Variants in HERPUD2 observed in about 807,000 individuals in gnomAD.
The protein encoded by HERPUD2 is homocysteine-responsive endoplasmic reticulum-resident ubiquitin-like domain member 2 protein.
A neutral mutation model predicts 49.9 loss-of-function variants in HERPUD2; 13 were observed. The ratio of observed to expected loss-of-function variants is 0.26; its 90% CI spans 0.17 to 0.41. HERPUD2 has a LOEUF of 0.41. Ranked by LOEUF, HERPUD2 falls within the 10% of genes least tolerant of loss-of-function variation. The pLI is 1.00. For synonymous variants in HERPUD2, 172 were observed against 171.4 expected (o/e 1.00, Z -0.03); for missense variants, 449 against 492.2 (o/e 0.91, Z 0.83).
chr7:35,663,085 A>G (rs1202144428), intron 5 of HERPUD2, among the ~76,000 whole-genome samples: 2 of 152,050 alleles, frequency 1.3e-5, no homozygotes, highest in East Asian at 1.9e-4. Flanking sequence ...GTTCTCATTG[A>G]TTTCAAAGAA....
chr7:35,648,006 A>C (rs1309325072), intron 5 of HERPUD2, among the ~76,000 whole-genome samples: 1 of 152,222 alleles, frequency 6.6e-6, no homozygotes, highest in Non-Finnish European at 1.5e-5. Flanking sequence ...AAACATAAAG[A>C]ATGCCTCTTT....
At chr7:35,655,127 A>G (rs1785248301) in intron 5 of HERPUD2, among the ~76,000 whole-genome samples, 1 of 152,202 alleles carries the variant, frequency 6.6e-6, no homozygotes, top group African/African-American at 2.4e-5. Context: ...TGCTGGGATT[A>G]CACGCATGAG....
chr7:35,662,628 T>C (rs4537222), intron 5 of HERPUD2, among the ~76,000 whole-genome samples: 12,596 of 152,260 alleles, frequency 0.083, 748 homozygotes, highest in South Asian at 0.21. Flanking sequence ...GAGGAATTTA[T>C]CCATTTCTTC....
chr7:35,673,682 C>T lies in HERPUD2; in HGVS notation c.148-404G>A, dbSNP rs562865731. ...ACAGTAGGATAAAATTTCGATGTCA[C>T]CAGAATCATTTTGCCTTATTTTGTC... On this transcript the variant is annotated intron_variant, in intron 2 of 8. Coordinates refer to ENST00000311350, the MANE Select transcript of HERPUD2 (RefSeq NM_022373.5). Among the ~76,000 whole-genome samples the T allele has an allele frequency of 3.3e-5, 5 of 152,182 alleles. No individual in the cohort carries two copies. The South Asian group carries it at 1.0e-3, about 32-fold the overall frequency.
At chr7:35,664,293 T>G (rs1337698306) in intron 5 of HERPUD2, among the ~76,000 whole-genome samples, 1 of 152,218 alleles carries the variant, frequency 6.6e-6, no homozygotes, top group Non-Finnish European at 1.5e-5. Context: ...TTGTGGGTAA[T>G]GAGACCTTTC....
chr7:35,665,288 T>G (rs1777126202), intron 5 of HERPUD2, among the ~76,000 whole-genome samples: 1 of 152,236 alleles, frequency 6.6e-6, no homozygotes, highest in African/African-American at 2.4e-5. Flanking sequence ...TCCTGGCCAC[T>G]TTGTTTATGT....
chr7:35,643,629 C>T (rs1785002950), intron 5 of HERPUD2, among the ~76,000 whole-genome samples: 1 of 151,242 alleles, frequency 6.6e-6, no homozygotes, highest in South Asian at 2.1e-4. Context: ...CACACACACA[C>T]TTTCATGAAT....
chr7:35,659,811 T>G (rs573746508), intron 5 of HERPUD2, among the ~76,000 whole-genome samples: 1 of 152,322 alleles, frequency 6.6e-6, no homozygotes, highest in South Asian at 2.1e-4. Context: ...ACACTCACTT[T>G]TGGCAAAATA....
Position 35,694,563 on chromosome 7 carries a change from CT to C in HERPUD2, c.-234del. 1.8e-6 allele frequency: 1 copy of C among 551,402 alleles called. No individual in the cohort carries two copies. The allele number at this position is 551,402 out of a possible 1,614,324, so 34.2% of individuals were successfully genotyped here. A position where few individuals can be genotyped will look rare whatever the true frequency, so the allele number is the denominator to read the frequency against. On this transcript the variant is annotated 5_prime_UTR_variant, in exon 2 of 9. Transcript: ENST00000311350. ...TGGGTGCCCGGCCGTGGAGGCAGCT[CT>C]CCCCGCCAGGTCCGGGCTCCGCCGG... is the stretch of plus-strand genomic sequence containing the variant.
At chr7:35,679,140 T>C (rs1302866605) in intron 2 of HERPUD2, among the ~76,000 whole-genome samples, 2 of 152,200 alleles carry the variant, frequency 1.3e-5, no homozygotes, top group East Asian at 1.9e-4. Context: ...TAGTTAAAAA[T>C]AGAGGTACTG....
At chr7:35,667,289 C>T (rs925297921) in intron 5 of HERPUD2, 145 bp downstream of exon 5, 2 of 730,220 alleles carry the variant, frequency 2.7e-6, no homozygotes, top group East Asian at 2.7e-5. Flanking sequence ...CTTCTTAACC[C>T]TCTAGTTCTC....
rs771329348 is a variant in HERPUD2, at chr7:35,638,438, G to A, written c.529C>T (p.Pro177Ser). 4 of 1,613,626 alleles carry A rather than the reference G, an allele frequency of 2.5e-6. No homozygotes were observed. The South Asian group carries it at 4.4e-5, about 18-fold the overall frequency. ...GCGGGATACACTGGGAATCCAGGTGGAGCAGCTTGCCCAGGAAATTGGTTG... is the reference window on the plus strand; with the variant it reads ...GCGGGATACACTGGGAATCCAGGTGAAGCAGCTTGCCCAGGAAATTGGTTG... ...VDNQFPGQAA[P>S]PGFPVYPAFS... Residue 177 changes from proline (P) to serine (S), a missense_variant, in exon 6 of 9, where the codon CCA (proline) becomes TCA (serine). By Grantham distance (74) the Pro-to-Ser change is moderately conservative. Coordinates refer to ENST00000311350, the MANE Select transcript of HERPUD2 (RefSeq NM_022373.5).
intron 2 of HERPUD2, among the ~76,000 whole-genome samples, chr7:35,674,402 TATAG>T (rs1785709766): frequency 1.8e-5 from 1 of 54,452 alleles, no homozygotes; most frequent in Non-Finnish European, 3.4e-5. Context: ...TATATATATA[TATAG>T]AGAGAGAGAG....
chr7:35,662,539 C>T (rs1345252605), intron 5 of HERPUD2, among the ~76,000 whole-genome samples: 1 of 152,190 alleles, frequency 6.6e-6, no homozygotes, highest in Non-Finnish European at 1.5e-5. Flanking sequence ...TTAATTATTG[C>T]CTCAATTTCA....
At chr7:35,638,220 T>C in intron 6 of HERPUD2, 130 bp downstream of exon 6, 3 of 822,012 alleles carry the variant, frequency 3.6e-6, no homozygotes, top group Non-Finnish European at 5.2e-6. Flanking sequence ...AGGTGAACCC[T>C]TTTTCCTTTA....
intron 5 of HERPUD2, among the ~76,000 whole-genome samples, chr7:35,655,580 C>T (rs1785259368): frequency 6.6e-6 from 1 of 152,130 alleles, no homozygotes; most frequent in Non-Finnish European, 1.5e-5. Flanking sequence ...CCACAGCTAA[C>T]ATCATACTGA....
At chr7:35,692,324 G>C (rs1305578114) in intron 2 of HERPUD2, among the ~76,000 whole-genome samples, 1 of 152,030 alleles carries the variant, frequency 6.6e-6, no homozygotes, top group Non-Finnish European at 1.5e-5. Flanking sequence ...TTTTAAAAAA[G>C]CTTTAGAAAA....
At chr7:35,672,138 T>C (rs545075829) in intron 3 of HERPUD2, among the ~76,000 whole-genome samples, 1 of 152,046 alleles carries the variant, frequency 6.6e-6, no homozygotes, top group Admixed American at 6.6e-5. Flanking sequence ...TTGTAACAAA[T>C]GTACTACTTT....
chr7:35,694,146 C>T, intron 2 of HERPUD2, 38 bp downstream of exon 2: 5 of 1,611,790 alleles, frequency 3.1e-6, no homozygotes, highest in Non-Finnish European at 3.4e-6. Flanking sequence ...CGAAAAGCTG[C>T]TGGTCAGAGC....
Sources: gnomAD v4.1 joint callset for allele counts (sites outside exome capture counted in the v4.1 genomes callset) on GRCh38, gnomAD v4.1.1 for gene constraint, MANE v1.5 for transcripts, NCBI Gene and HGNC (gene_info 2026-07-23, HGNC 2026-07-21) for gene names.